HS3ST5: variants seen among roughly 807,000 people sequenced by gnomAD.
HS3ST5 encodes heparan sulfate-glucosamine 3-sulfotransferase 5, also known as heparan sulfate glucosamine 3-O-sulfotransferase 5.
A neutral mutation model predicts 25.4 loss-of-function variants in HS3ST5; 10 were observed. That is an observed-to-expected ratio of 0.39 (90% CI 0.24 to 0.67). HS3ST5 has a LOEUF of 0.67. Ranked by LOEUF, HS3ST5 falls within the 30% of genes least tolerant of loss-of-function variation. The pLI, the probability that HS3ST5 is intolerant of heterozygous loss-of-function variation, is 0.44. For synonymous variants in HS3ST5, 170 were observed against 162.4 expected, an observed-to-expected ratio of 1.05 and a Z score of -0.36; for missense variants, 324 against 420.7, an observed-to-expected ratio of 0.77 and a Z score of 2.01.
Position 114,198,268 on chromosome 6 carries a change from G to A in HS3ST5, c.-144-29806C>T, listed in dbSNP as rs551027491. 5.0e-4 allele frequency among the ~76,000 whole-genome samples: 76 copies of A among 152,078 alleles called. 1 individual carries two copies. Among genetic ancestry groups the A allele is most frequent in the African/African-American group, 1.8e-3 (73 of 41,480 alleles). On this transcript the variant is annotated intron_variant, in intron 2 of 4. Coordinates refer to ENST00000312719, the MANE Select transcript of HS3ST5 (RefSeq NM_153612.4). ...AAGGAATCTTTAAAAAATGAACGAAGCCTTTGAGATATATGGGATTATACA... is the reference window on the plus strand; with the variant it reads ...AAGGAATCTTTAAAAAATGAACGAAACCTTTGAGATATATGGGATTATACA...
chr6:114,278,031 T>C (rs745684870), intron 1 of HS3ST5, among the ~76,000 whole-genome samples: 3 of 151,986 alleles, frequency 2.0e-5, no homozygotes, highest in Non-Finnish European at 4.4e-5. Flanking sequence ...GCGATGGGCT[T>C]TGAGGGGGCA....
chr6:114,190,806 G>A (rs963278742), intron 2 of HS3ST5, among the ~76,000 whole-genome samples: 4 of 152,104 alleles, frequency 2.6e-5, no homozygotes, highest in Admixed American at 6.6e-5. Context: ...TTAGAACTTC[G>A]CTATTGTGAA....
chr6:114,186,632 C>T (rs145987024), intron 2 of HS3ST5, among the ~76,000 whole-genome samples: 6 of 152,060 alleles, frequency 3.9e-5, no homozygotes, highest in Non-Finnish European at 7.4e-5. Context: ...GATATAGAGG[C>T]GGCAGCAAAT....
intron 2 of HS3ST5, among the ~76,000 whole-genome samples, chr6:114,202,850 ACTCT>A (rs1781091080): frequency 6.6e-6 from 1 of 152,200 alleles, no homozygotes. Flanking sequence ...AATTTGATTA[ACTCT>A]CCTCAAATGA....
intron 1 of HS3ST5, among the ~76,000 whole-genome samples, chr6:114,320,600 G>A (rs1775925765): frequency 1.3e-5 from 2 of 151,892 alleles, no homozygotes; most frequent in Admixed American, 1.3e-4. Flanking sequence ...TACCATTTTG[G>A]TAGCAGTATC....
intron 1 of HS3ST5, among the ~76,000 whole-genome samples, chr6:114,237,867 T>C (rs1253037972): frequency 6.6e-6 from 1 of 152,132 alleles, no homozygotes; most frequent in Non-Finnish European, 1.5e-5. Context: ...ATAAAGAAGA[T>C]TGGTAGAGGA....
chr6:114,110,980 A>C (rs1164001959), intron 3 of HS3ST5, among the ~76,000 whole-genome samples: 1 of 152,206 alleles, frequency 6.6e-6, no homozygotes, highest in Admixed American at 6.5e-5. Flanking sequence ...TGACCTTGGA[A>C]TACATCATGC....
At chr6:114,241,372 C>G (rs1429027111) in intron 1 of HS3ST5, among the ~76,000 whole-genome samples, 1 of 152,114 alleles carries the variant, frequency 6.6e-6, no homozygotes, top group Non-Finnish European at 1.5e-5. Flanking sequence ...CACACCTTTT[C>G]CATTCTCTGC....
intron 1 of HS3ST5, among the ~76,000 whole-genome samples, chr6:114,286,207 G>A (rs2114758011): frequency 6.6e-6 from 1 of 151,706 alleles, no homozygotes; most frequent in African/African-American, 2.4e-5. Context: ...CATATACTCT[G>A]GAATGGTGAT....
At chr6:114,250,726 A>G (rs1772621720) in intron 1 of HS3ST5, among the ~76,000 whole-genome samples, 4 of 152,222 alleles carry the variant, frequency 2.6e-5, no homozygotes. Context: ...AAGTGTTAAT[A>G]TTCATACTAT....
intron 1 of HS3ST5, among the ~76,000 whole-genome samples, chr6:114,257,281 A>C (rs899232211): frequency 2.0e-5 from 3 of 152,246 alleles, no homozygotes; most frequent in African/African-American, 2.4e-5. Flanking sequence ...ACGTAGAAAA[A>C]TAAGAAAAAT....
intron 1 of HS3ST5, among the ~76,000 whole-genome samples, chr6:114,230,596 CTTT>C (rs5879253): frequency 2.2e-5 from 3 of 136,890 alleles, no homozygotes; most frequent in Non-Finnish European, 3.1e-5. Flanking sequence ...CCTTAAGACT[CTTT>C]TTTTTTTTTT....
intron 1 of HS3ST5, among the ~76,000 whole-genome samples, chr6:114,251,117 T>A (rs867356831): frequency 6.6e-6 from 1 of 152,024 alleles, no homozygotes; most frequent in Admixed American, 6.6e-5. Context: ...AATACAGAAA[T>A]AGGGGTAAAT....
At chr6:114,256,900 GA>G (rs576646559) in intron 1 of HS3ST5, among the ~76,000 whole-genome samples, 34 of 151,986 alleles carry the variant, frequency 2.2e-4, no homozygotes, top group Non-Finnish European at 2.8e-4. Context: ...AATTATTAAA[GA>G]AAAAAAAGGT....
intron 1 of HS3ST5, among the ~76,000 whole-genome samples, chr6:114,297,320 G>A (rs746094103): frequency 3.9e-5 from 6 of 152,068 alleles, no homozygotes; most frequent in Admixed American, 6.6e-5. Context: ...AGACAGGGAC[G>A]TACACAAGCA....
chr6:114,140,719 C>T (rs5004959), intron 3 of HS3ST5, among the ~76,000 whole-genome samples: 1 of 152,148 alleles, frequency 6.6e-6, no homozygotes, highest in Non-Finnish European at 1.5e-5. Context: ...GAGAGGGCTG[C>T]TCTGAGATTG....
At position 114,058,044 on chromosome 6, in the gene HS3ST5, T is replaced by C. The variant is rs776616639; in HGVS notation, c.254A>G (p.Asp85Gly). The C allele has an allele frequency of 6.2e-7, 1 of 1,614,132 alleles. No individual in the cohort carries two copies. Among genetic ancestry groups the C allele is most frequent in the African/African-American group, 1.3e-5 (1 of 75,016 alleles). ...NASKEQVRLH[D>G]LVQQLPKAII... ...GGCCTTGGGGAGCTGCTGGACCAGG[T>C]CATGGAGGCGAACCTGCTCCTTGGA... Residue 85 changes from aspartate to glycine, a missense_variant, in exon 5 of 5, where the codon GAC becomes GGC. This residue lies in a region of HS3ST5 where 121 missense variants were observed against 117.3 expected (regional missense o/e 1.03). Transcript: ENST00000312719.
At chr6:114,088,898 A>T (rs574360348) in intron 3 of HS3ST5, 1 of 152,212 alleles carries the variant, frequency 6.6e-6, no homozygotes, top group South Asian at 2.1e-4. Context: ...GCTGGAAGAT[A>T]CTGCAGAGAG....
At chr6:114,340,068 T>C (rs891685938) in intron 1 of HS3ST5, among the ~76,000 whole-genome samples, 4 of 152,186 alleles carry the variant, frequency 2.6e-5, no homozygotes, top group Non-Finnish European at 5.9e-5. Flanking sequence ...TGAGTGAAAA[T>C]TCAGTGAGTA....
Sources: gnomAD v4.1 joint callset for allele counts (sites outside exome capture counted in the v4.1 genomes callset) on GRCh38, gnomAD v4.1.1 for gene constraint, gnomAD v4.1.1 regional missense constraint, MANE v1.5 for transcripts, NCBI Gene and HGNC (gene_info 2026-07-23, HGNC 2026-07-21) for gene names.